The following JHY variants were observed in gnomAD, a reference collection of about 807,000 sequenced individuals.
JHY encodes the protein jhy protein homolog.
In JHY, 69 loss-of-function variants were observed where a neutral mutation model predicts 78.0. The ratio of observed to expected loss-of-function variants is 0.88; its 90% CI spans 0.73 to 1.08. The LOEUF is 1.08. Among genes scored for constraint, JHY ranks in the 50% least tolerant of loss-of-function variants. JHY has a pLI of 0.00. For synonymous variants in JHY, 368 were observed against 342.6 expected (o/e 1.07, Z -0.82); for missense variants, 944 against 927.8 (o/e 1.02, Z -0.23).
intron 2 of JHY, among the ~76,000 whole-genome samples, chr11:122,902,157 T>C (rs1440047330): frequency 1.4e-5 from 2 of 146,700 alleles, no homozygotes; most frequent in Non-Finnish European, 3.0e-5. Context: ...AAAATAATGA[T>C]AAAAAATATG....
At chr11:122,915,330 G>A (rs567724884) in intron 3 of JHY, among the ~76,000 whole-genome samples, 1 of 152,192 alleles carries the variant, frequency 6.6e-6, no homozygotes, top group South Asian at 2.1e-4. Context: ...ATGGCAGAAT[G>A]GGAAGCAGAC....
intron 3 of JHY, 91 bp from the exon 4 acceptor site, chr11:122,924,806 G>T: frequency 1.1e-6 from 1 of 920,810 alleles, no homozygotes. Flanking sequence ...AGCCCAGCAG[G>T]ACCGTTTTCT....
chr11:122,889,239 A>G (rs1396071518), intron 2 of JHY, among the ~76,000 whole-genome samples: 1 of 152,248 alleles, frequency 6.6e-6, no homozygotes, highest in Non-Finnish European at 1.5e-5. Context: ...AGATGGATTT[A>G]GACATCCTCT....
chr11:122,934,948 C>A lies in JHY; in HGVS notation c.1507C>A (p.His503Asn), dbSNP rs760966987. The A allele has an allele frequency of 2.4e-5, 39 of 1,613,992 alleles. No individual in the cohort carries two copies. Among genetic ancestry groups the A allele is most frequent in the Non-Finnish European group, 3.1e-5 (37 of 1,180,036 alleles). The change falls in exon 5 of 9, where the codon CAC becomes AAC. Residue 503 changes from histidine (H) to asparagine (N), a missense_variant. His to Asn is a moderately conservative substitution (Grantham distance 68). Coordinates refer to ENST00000227349, the MANE Select transcript of JHY (RefSeq NM_024806.4). Reference sequence around the variant, plus strand: ...CAACCTTAATGAACTTTCTAAGAGACACGTGCTCCTGAGCCAGAAAGGCTC... The same window carrying A: ...CAACCTTAATGAACTTTCTAAGAGAAACGTGCTCCTGAGCCAGAAAGGCTC... ...LNNLNELSKR[H>N]VLLSQKGSQF...
chr11:122,924,802 G>T lies in JHY; in HGVS notation c.865-95G>T. On this transcript the variant is annotated intron_variant, in intron 3 of 8. Transcript: ENST00000227349. ...TTAACTGAAAATAAAACCTAGCCCA[G>T]CAGGACCGTTTTCTAGAGTGCACAG... The T allele has an allele frequency of 1.0e-5, 9 of 885,804 alleles. No homozygotes were observed. The South Asian group carries it at 1.5e-4, about 15-fold the overall frequency. The allele number at this position is 885,804 out of a possible 1,614,324, so 54.9% of individuals were successfully genotyped here. A position where few individuals can be genotyped will look rare whatever the true frequency, so the allele number is the denominator to read the frequency against.
intron 4 of JHY, among the ~76,000 whole-genome samples, chr11:122,929,155 G>T (rs768823154): frequency 1.3e-5 from 2 of 150,336 alleles, no homozygotes; most frequent in Non-Finnish European, 2.9e-5. Context: ...TCGAACTCCT[G>T]ACCTCAGGTG....
rs1555059947 is a variant in JHY, at chr11:122,948,468, A to AATC, written c.1929+1678_1929+1679insCAT. 2.0e-3 allele frequency among the ~76,000 whole-genome samples: 293 copies of AATC among 148,366 alleles called. 1 individual carries two copies. The highest frequency in any genetic ancestry group is 6.9e-3 in the African/African-American group (275 of 40,000). On this transcript the variant is annotated intron_variant, in intron 6 of 8. Transcript: ENST00000227349. ...TAATAATAATAATAATAATAATAATAATAATAATAATGATTTCTACTAGGA... is the reference window on the plus strand; with the variant it reads ...TAATAATAATAATAATAATAATAATAATCATAATAATAATGATTTCTACTAGGA...
At chr11:122,915,692 T>C (rs556557034) in intron 3 of JHY, among the ~76,000 whole-genome samples, 14 of 152,180 alleles carry the variant, frequency 9.2e-5, no homozygotes, top group Admixed American at 5.9e-4. Flanking sequence ...TTCATATTTT[T>C]AGTAGAGGCA....
intron 3 of JHY, among the ~76,000 whole-genome samples, chr11:122,922,972 T>A (rs2887852): frequency 1.6e-3 from 239 of 152,258 alleles, no homozygotes; most frequent in African/African-American, 5.3e-3. Context: ...GTCCTAAATC[T>A]AAATTTTAAA....
intron 3 of JHY, 52 bp downstream of exon 3, chr11:122,904,496 C>T (rs1355187120): frequency 2.6e-6 from 4 of 1,551,000 alleles, no homozygotes; most frequent in Admixed American, 1.9e-5. Flanking sequence ...CCAGAATTTG[C>T]GTTTGTTTGC....
chr11:122,912,708 C>T (rs992724443), intron 3 of JHY, among the ~76,000 whole-genome samples: 5 of 152,040 alleles, frequency 3.3e-5, no homozygotes, highest in Non-Finnish European at 5.9e-5. Flanking sequence ...CACTGCACTC[C>T]ATCCTGGATA....
chr11:122,903,865 A>C, intron 2 of JHY, 60 bp from the exon 3 acceptor site: 3 of 1,505,420 alleles, frequency 2.0e-6, no homozygotes, highest in Non-Finnish European at 2.7e-6. Flanking sequence ...TGTTCAACTG[A>C]CTATAATGAG....
intron 2 of JHY, among the ~76,000 whole-genome samples, chr11:122,903,094 G>A (rs771085463): frequency 8.5e-5 from 13 of 152,176 alleles, no homozygotes; most frequent in African/African-American, 2.7e-4. Context: ...GGGCTACAGC[G>A]TCACTAGGTG....
intron 3 of JHY, among the ~76,000 whole-genome samples, chr11:122,904,838 T>G (rs995225284): frequency 2.6e-5 from 4 of 152,224 alleles, no homozygotes; most frequent in African/African-American, 9.7e-5. Flanking sequence ...CTTAAGCATT[T>G]GATTCCCTGT....
intron 4 of JHY, among the ~76,000 whole-genome samples, chr11:122,931,179 T>C (rs965462632): frequency 6.6e-6 from 1 of 152,152 alleles, no homozygotes; most frequent in African/African-American, 2.4e-5. Context: ...GACACAAACA[T>C]TCAAACCATG....
intron 6 of JHY, among the ~76,000 whole-genome samples, chr11:122,949,526 A>C (rs527955765): frequency 6.6e-6 from 1 of 152,262 alleles, no homozygotes; most frequent in Admixed American, 6.5e-5. Context: ...TAACGAGAAG[A>C]AAAAGAGGAT....
At chr11:122,952,952 A>C (rs1377264703) in intron 6 of JHY, among the ~76,000 whole-genome samples, 2 of 152,268 alleles carry the variant, frequency 1.3e-5, no homozygotes, top group Non-Finnish European at 2.9e-5. Flanking sequence ...GTCTGAGTTC[A>C]TTCACCTATT....
intron 3 of JHY, among the ~76,000 whole-genome samples, chr11:122,912,792 A>G (rs148956295): frequency 6.6e-6 from 1 of 152,114 alleles, no homozygotes; most frequent in African/African-American, 2.4e-5. Context: ...ACCTCACCTC[A>G]CCTTCCTCAT....
chr11:122,924,549 A>G (rs978472472), intron 3 of JHY, among the ~76,000 whole-genome samples: 3 of 152,128 alleles, frequency 2.0e-5, no homozygotes, highest in Admixed American at 6.5e-5. Flanking sequence ...GTATAGTGTT[A>G]TTTCATAGTG....
Sources: allele counts gnomAD v4.1 joint callset (sites outside exome capture counted in the v4.1 genomes callset), GRCh38; gene constraint gnomAD v4.1.1; transcripts MANE v1.5; gene names NCBI Gene and HGNC (gene_info 2026-07-23, HGNC 2026-07-21).